The following PRKDC variants were observed in gnomAD, a reference collection of about 807,000 sequenced individuals.
The protein encoded by PRKDC is protein kinase, DNA-activated, catalytic subunit.
A neutral mutation model predicts 486.9 loss-of-function variants in PRKDC; 82 were observed. That is an observed-to-expected ratio of 0.17 (90% CI 0.14 to 0.20). The LOEUF (loss-of-function observed/expected upper bound fraction) is 0.20, where lower values mean the gene tolerates loss of function less well. Ranked by LOEUF, PRKDC falls within the 10% of genes least tolerant of loss-of-function variation. The pLI, the probability that PRKDC is intolerant of heterozygous loss-of-function variation, is 1.00. For missense variants in PRKDC, 4,504 were observed against 5,038.2 expected, an observed-to-expected ratio of 0.89 and a Z score of 3.21; for synonymous variants, 1,895 against 1,837.0, an observed-to-expected ratio of 1.03 and a Z score of -0.81.
In PRKDC at chr8:47,834,118, C is replaced by A; in HGVS notation, c.8152+78G>T. The A allele has an allele frequency of 1.9e-6, 3 of 1,540,560 alleles. No individual in the cohort carries two copies. The South Asian group carries it at 3.4e-5, about 17-fold the overall frequency. On this transcript the variant is annotated intron_variant, in intron 59 of 85. Coordinates refer to ENST00000314191, the MANE Select transcript of PRKDC (RefSeq NM_006904.7). ...AATGAGAAGGAAACATGGATACAGT[C>A]AGAAATGTCCCCAGACCTGAGCTCT... is the stretch of plus-strand genomic sequence containing the variant.
At chr8:47,821,292 G>A (rs1241057498) in intron 65 of PRKDC, among the ~76,000 whole-genome samples, 1 of 152,162 alleles carries the variant, frequency 6.6e-6, no homozygotes, top group Non-Finnish European at 1.5e-5. Flanking sequence ...GGAGCTGGGA[G>A]GCCTGTGTTT....
intron 74 of PRKDC, among the ~76,000 whole-genome samples, chr8:47,790,939 G>A (rs555405695): frequency 4.6e-5 from 7 of 152,172 alleles, no homozygotes; most frequent in African/African-American, 1.7e-4. Flanking sequence ...TTAAACCTAA[G>A]ATCTCAACCA....
intron 36 of PRKDC, 139 bp downstream of exon 36, chr8:47,885,805 T>C (rs2089314303): frequency 1.3e-6 from 1 of 772,638 alleles, no homozygotes; most frequent in East Asian, 2.6e-5. Context: ...GGCAGGAGAA[T>C]CGCTTCAATC....
At chr8:47,860,034 T>C (rs923198125) in intron 45 of PRKDC, among the ~76,000 whole-genome samples, 2 of 152,226 alleles carry the variant, frequency 1.3e-5, no homozygotes, top group African/African-American at 2.4e-5. Flanking sequence ...ACATTTTCTT[T>C]GCATTTAAAA....
intron 25 of PRKDC, 119 bp from the exon 26 acceptor site, chr8:47,905,095 G>A: frequency 1.5e-6 from 1 of 686,062 alleles, no homozygotes; most frequent in South Asian, 2.2e-5. Flanking sequence ...TACCATGGTT[G>A]TATTAGTTTC....
intron 7 of PRKDC, among the ~76,000 whole-genome samples, chr8:47,948,507 T>C (rs1180960081): frequency 1.3e-5 from 2 of 150,874 alleles, no homozygotes; most frequent in Non-Finnish European, 3.0e-5. Flanking sequence ...TCGCCCAGGC[T>C]GGAGTGCAAT....
intron 40 of PRKDC, among the ~76,000 whole-genome samples, chr8:47,876,420 G>C (rs541619850): frequency 6.6e-6 from 1 of 152,118 alleles, no homozygotes; most frequent in Admixed American, 6.6e-5. Context: ...CCAGCACTTA[G>C]GGAGGCCGAG....
intron 21 of PRKDC, 55 bp from the exon 22 acceptor site, chr8:47,918,438 G>T: frequency 2.0e-6 from 2 of 1,004,770 alleles, no homozygotes. Context: ...TTCATTTAAT[G>T]TACATTAGAG....
intron 31 of PRKDC, among the ~76,000 whole-genome samples, chr8:47,892,066 C>A (rs948524909): frequency 2.0e-5 from 3 of 151,966 alleles, no homozygotes; most frequent in Admixed American, 6.6e-5. Flanking sequence ...TACGGGATTT[C>A]GCCATGTTGG....
intron 29 of PRKDC, among the ~76,000 whole-genome samples, chr8:47,897,817 C>A (rs1162844259): frequency 6.6e-6 from 1 of 152,214 alleles, no homozygotes; most frequent in Non-Finnish European, 1.5e-5. Flanking sequence ...CTGGAAGAAT[C>A]AACTTTTAAA....
At chr8:47,794,538 C>T (rs1240607434) in intron 73 of PRKDC, 37 bp from the exon 74 acceptor site, 2 of 1,448,248 alleles carry the variant, frequency 1.4e-6, no homozygotes, top group African/African-American at 1.4e-5. Flanking sequence ...CTGAGTAAAA[C>T]ATCTCACATC....
intron 82 of PRKDC, 28 bp downstream of exon 82, chr8:47,778,700 C>CT (rs2086650031): frequency 6.2e-7 from 1 of 1,612,970 alleles, no homozygotes; most frequent in Admixed American, 1.7e-5. Context: ...TGTGATCCCA[C>CT]TAAGGGTGAG....
At chr8:47,836,622 G>T in intron 57 of PRKDC, 95 bp from the exon 58 acceptor site, 1 of 1,116,956 alleles carries the variant, frequency 9.0e-7, no homozygotes, top group Non-Finnish European at 1.3e-6. Flanking sequence ...AAATCTAATG[G>T]TACCATCAGC....
rs562024708 is a variant in PRKDC, at chr8:47,831,850, A to G, written c.8229T>C (p.Tyr2743=). The change falls in exon 60 of 86, where the codon TAT becomes TAC. Residue 2743 remains tyrosine, a synonymous_variant. Transcript: ENST00000314191. ...MRDQEKLSLM[Y]ARKGVAEQKR... The stretch of plus-strand genomic sequence containing the variant: ...TTTGCTCAGCAACGCCTTTTCTGGC[A>G]TACATCAAACTGAGCTTCTCCTGGT... 2.0e-5 allele frequency: 33 copies of G among 1,614,044 alleles called. 1 individual carries two copies. The Admixed American group carries it at 3.5e-4, about 17-fold the overall frequency.
rs936287797 is a variant in PRKDC, at chr8:47,929,749, G to T, written c.2052+104C>A. ...TTAAACACATAGAATAAAATTAGTAGACTTTAAAACTGCATAGGCCACAAT... is the reference window on the plus strand; with the variant it reads ...TTAAACACATAGAATAAAATTAGTATACTTTAAAACTGCATAGGCCACAAT... On this transcript the variant is annotated intron_variant, in intron 18 of 85. Coordinates refer to ENST00000314191, the MANE Select transcript of PRKDC (RefSeq NM_006904.7). 5 of 1,209,700 alleles carry T rather than the reference G, an allele frequency of 4.1e-6. No homozygotes were observed. The African/African-American group carries it at 8.0e-5, about 19-fold the overall frequency. The allele number at this position is 1,209,700 out of a possible 1,614,324, so 74.9% of individuals were successfully genotyped here. A position where few individuals can be genotyped will look rare whatever the true frequency, so the allele number is the denominator to read the frequency against.
chr8:47,783,825 A>G lies in PRKDC; in HGVS notation c.11108-16T>C. The stretch of plus-strand genomic sequence containing the variant: ...TCATACTGACCTAAAACAAACCAGA[A>G]CCTTGCTTAGGAACAGCTTGTTAGA... On this transcript the variant is annotated splice_polypyrimidine_tract_variant and intron_variant, in intron 77 of 85. Coordinates refer to ENST00000314191, the MANE Select transcript of PRKDC (RefSeq NM_006904.7). The G allele has an allele frequency of 2.5e-6, 4 of 1,613,734 alleles. No individual in the cohort carries two copies. The South Asian group carries it at 4.4e-5, about 18-fold the overall frequency.
At chr8:47,780,065 C>T (rs1350979781) in intron 80 of PRKDC, among the ~76,000 whole-genome samples, 1 of 151,846 alleles carries the variant, frequency 6.6e-6, no homozygotes, top group East Asian at 1.9e-4. Context: ...CAGGCGCCCG[C>T]CACTACACCC....
chr8:47,806,695 C>G (rs2087221634), intron 69 of PRKDC, among the ~76,000 whole-genome samples: 1 of 152,088 alleles, frequency 6.6e-6, no homozygotes, highest in Non-Finnish European at 1.5e-5. Context: ...CAAAGTAAAC[C>G]TAAAAATAAT....
chr8:47,805,894 T>C (rs1273267042), intron 69 of PRKDC, among the ~76,000 whole-genome samples: 1 of 152,132 alleles, frequency 6.6e-6, no homozygotes, highest in African/African-American at 2.4e-5. Flanking sequence ...ACTCCCCTAG[T>C]GTGGAGCTTC....
Sources: gnomAD v4.1 joint callset for allele counts (sites outside exome capture counted in the v4.1 genomes callset) on GRCh38, gnomAD v4.1.1 for gene constraint, MANE v1.5 for transcripts, NCBI Gene and HGNC (gene_info 2026-07-23, HGNC 2026-07-21) for gene names.